The following EPB41L3 variants were observed in gnomAD, a reference collection of about 807,000 sequenced individuals.
EPB41L3 encodes band 4.1-like protein 3.
Under a neutral mutation model 127.1 loss-of-function variants are expected in EPB41L3, and 57 were observed. The observed-to-expected ratio is 0.45, with a 90% CI of 0.36 to 0.56. The LOEUF is 0.56. Ranked by LOEUF, EPB41L3 falls within the 20% of genes least tolerant of loss-of-function variation. EPB41L3 has a pLI of 0.00. For synonymous variants in EPB41L3, 572 were observed against 549.5 expected (o/e 1.04, Z -0.57); for missense variants, 1,273 against 1,372.2 (o/e 0.93, Z 1.14).
intron 11 of EPB41L3, among the ~76,000 whole-genome samples, chr18:5,422,961 A>AT (rs1472722323): frequency 6.6e-6 from 1 of 152,184 alleles, no homozygotes; most frequent in Non-Finnish European, 1.5e-5. Flanking sequence ...ATTCATAAAG[A>AT]TTTTTTAGAA....
upstream of EPB41L3, among the ~76,000 whole-genome samples, chr18:5,546,527 T>C (rs1049075139): frequency 2.0e-5 from 3 of 152,118 alleles, no homozygotes; most frequent in Non-Finnish European, 4.4e-5. Context: ...GAGACTCGTC[T>C]CAAAAAACTA....
rs759609631 is a variant in EPB41L3, at chr18:5,489,072, T to TGGGCGGCTCCGGCAC, written c.97_111dup (p.Val33_Pro37dup). The TGGGCGGCTCCGGCAC allele has an allele frequency of 6.3e-6, 10 of 1,595,190 alleles. No individual in the cohort carries two copies. Among genetic ancestry groups the TGGGCGGCTCCGGCAC allele is most frequent in the African/African-American group, 4.1e-5 (3 of 73,454 alleles). ...TCCAGGGCCTGCTGCTGCTCCTCCT[T>TGGGCGGCTCCGGCAC]GGGCGGCTCCGGCACGGGCGCCCCC... is the stretch of plus-strand genomic sequence containing the variant. On this transcript the variant is annotated inframe_insertion, in exon 2 of 23. Transcript: ENST00000341928.
intron 3 of EPB41L3, among the ~76,000 whole-genome samples, chr18:5,595,606 T>C (rs2094528860): frequency 6.6e-6 from 1 of 152,276 alleles, no homozygotes; most frequent in South Asian, 2.1e-4. Context: ...CTGCAGTAAT[T>C]GTGTGAAAGC....
intron 1 of EPB41L3, among the ~76,000 whole-genome samples, chr18:5,623,822 A>AT: frequency 6.6e-6 from 1 of 151,616 alleles, no homozygotes; most frequent in East Asian, 2.0e-4. Flanking sequence ...TAATTTTTTT[A>AT]TTTTTTAGTA....
upstream of EPB41L3, among the ~76,000 whole-genome samples, chr18:5,629,687 G>A (rs985583213): frequency 6.6e-5 from 10 of 152,244 alleles, no homozygotes; most frequent in South Asian, 2.1e-4. Flanking sequence ...AGGGGGGCGG[G>A]GACGGATTCG....
At chr18:5,541,548 T>C (rs1598838847) in intron 1 of EPB41L3, among the ~76,000 whole-genome samples, 1 of 152,206 alleles carries the variant, frequency 6.6e-6, no homozygotes, top group Non-Finnish European at 1.5e-5. Context: ...ACATGGATAG[T>C]TGCCTCTCTT....
upstream of EPB41L3, chr18:5,630,421 T>G: frequency 1.9e-6 from 1 of 518,816 alleles, no homozygotes; most frequent in Non-Finnish European, 3.8e-6. Flanking sequence ...CGGAGCTTGT[T>G]CGCAGCCCGC....
At chr18:5,554,626 C>T (rs2094008862) in intron 3 of EPB41L3, among the ~76,000 whole-genome samples, 1 of 152,200 alleles carries the variant, frequency 6.6e-6, no homozygotes, top group Non-Finnish European at 1.5e-5. Context: ...CCTGGTGACA[C>T]CAGTAGGGCT....
intron 3 of EPB41L3, among the ~76,000 whole-genome samples, chr18:5,583,738 A>AT (rs1000903520): frequency 4.2e-4 from 63 of 151,692 alleles, no homozygotes; most frequent in African/African-American, 1.3e-3. Flanking sequence ...GAAGAGCTAT[A>AT]TTTTTTTTTC....
chr18:5,396,376 T>G, intron 18 of EPB41L3, 44 bp from the exon 19 acceptor site: 3 of 1,611,808 alleles, frequency 1.9e-6, no homozygotes, highest in Non-Finnish European at 2.5e-6. Flanking sequence ...ATAGTTTGCA[T>G]GAACACATTG....
At chr18:5,479,261 A>G (rs2087897445) in intron 2 of EPB41L3, among the ~76,000 whole-genome samples, 1 of 152,196 alleles carries the variant, frequency 6.6e-6, no homozygotes, top group South Asian at 2.1e-4. Context: ...AGTACTGCAA[A>G]TTCGATCCTT....
chr18:5,416,836 A>C (rs1344072989), intron 12 of EPB41L3, among the ~76,000 whole-genome samples: 2 of 152,144 alleles, frequency 1.3e-5, no homozygotes, highest in Non-Finnish European at 2.9e-5. Flanking sequence ...GATGAAATCC[A>C]ATCCAGATTT....
intron 3 of EPB41L3, among the ~76,000 whole-genome samples, chr18:5,595,849 T>TG (rs1229785411): frequency 2.6e-5 from 4 of 152,172 alleles, no homozygotes; most frequent in Non-Finnish European, 5.9e-5. Context: ...GGAATACTAT[T>TG]GGGGGTAATC....
chr18:5,493,749 A>G (rs2090863597), intron 1 of EPB41L3, among the ~76,000 whole-genome samples: 2 of 152,098 alleles, frequency 1.3e-5, no homozygotes, highest in South Asian at 4.2e-4. Context: ...CTGTCACCAC[A>G]TCCTCCCACT....
chr18:5,401,746 T>G (rs922734437), intron 16 of EPB41L3, among the ~76,000 whole-genome samples: 1 of 152,176 alleles, frequency 6.6e-6, no homozygotes, highest in African/African-American at 2.4e-5. Context: ...TATTTCATGT[T>G]AGGAATTAGG....
chr18:5,463,217 C>T (rs964764120), intron 3 of EPB41L3, among the ~76,000 whole-genome samples: 4 of 152,190 alleles, frequency 2.6e-5, no homozygotes, highest in African/African-American at 9.7e-5. Context: ...CCTCCAATTG[C>T]TATTTAGCCA....
At chr18:5,626,087 C>T (rs572596918) in intron 1 of EPB41L3, among the ~76,000 whole-genome samples, 2 of 152,236 alleles carry the variant, frequency 1.3e-5, no homozygotes, top group East Asian at 3.9e-4. Context: ...TGCTCACTCT[C>T]TCATTATTTA....
chr18:5,597,967 C>A (rs915436758), intron 3 of EPB41L3, among the ~76,000 whole-genome samples: 1 of 152,180 alleles, frequency 6.6e-6, no homozygotes, highest in African/African-American at 2.4e-5. Context: ...TGTCCCAGAT[C>A]CTGCATGCAC....
rs1271302853 is a variant in EPB41L3 at position 5,543,799 on chromosome 18, A to G, written c.-12+114T>C. On this transcript the variant is annotated intron_variant, in intron 1 of 22. Coordinates refer to ENST00000341928, the MANE Select transcript of EPB41L3 (RefSeq NM_012307.5). This position sits in a 1 kb window ranked among gnomAD's most constrained non-coding sequence, Gnocchi z 5.2. ...CGGGAGACCGCGCGGCGCCGAAGCC[A>G]CGCGTCAGCCCCACTGTCCCGCGCG... is the stretch of plus-strand genomic sequence containing the variant. 1 of 833,012 alleles carries G rather than the reference A, an allele frequency of 1.2e-6. No individual in the cohort carries two copies. Among genetic ancestry groups the G allele is most frequent in the African/African-American group, 1.9e-5 (1 of 53,868 alleles). 51.6% of individuals were successfully genotyped at this position (833,012 alleles called of 1,614,324 possible).
Sources: gnomAD v4.1 joint callset for allele counts (sites outside exome capture counted in the v4.1 genomes callset) on GRCh38, gnomAD v4.1.1 for gene constraint, Gnocchi (gnomAD v3.1) non-coding constraint, MANE v1.5 for transcripts, NCBI Gene and HGNC (gene_info 2026-07-23, HGNC 2026-07-21) for gene names.